Variants in MAPK9 observed in about 807,000 individuals in gnomAD.
MAPK9 encodes mitogen-activated protein kinase 9, also known as Jun kinase.
MAPK9 carries 30 observed loss-of-function variants against 57.1 expected under a neutral mutation model. The observed-to-expected ratio is 0.53, with a 90% confidence interval of 0.39 to 0.71. The LOEUF is 0.71. Among genes scored for constraint, MAPK9 ranks in the 30% least tolerant of loss-of-function variants. The probability of loss-of-function intolerance (pLI) is 0.00; values close to 1 mark genes in which losing one functional copy is unlikely to be tolerated. For missense variants in MAPK9, 362 were observed against 521.0 expected (o/e 0.69, Z 2.97); for synonymous variants, 155 against 177.0 (o/e 0.88, Z 0.99).
At chr5:180,249,209 G>A (rs1235337990) in intron 5 of MAPK9, 71 bp from the exon 6 acceptor site, 2 of 1,428,156 alleles carry the variant, frequency 1.4e-6, no homozygotes, top group East Asian at 4.9e-5. Flanking sequence ...CATCCGTGAG[G>A]GTCGTGAAGC....
In MAPK9 at chr5:180,236,400, A is replaced by C; in HGVS notation, c.1259T>G (p.Leu420Arg). The change falls in exon 12 of 12, where the codon CTT becomes CGT. Residue 420 changes from leucine to arginine, a missense_variant. By Grantham distance (102) the Leu-to-Arg change is moderately radical. Coordinates refer to ENST00000452135, the MANE Select transcript of MAPK9 (RefSeq NM_002752.5). ...TCTAACCTATCATCGACAGCCTTCAAGGGGTCCCGTCGAGGCATCAAGACT... is the reference window on the plus strand; with the variant it reads ...TCTAACCTATCATCGACAGCCTTCACGGGGTCCCGTCGAGGCATCAAGACT... The part of the protein sequence containing the change: ...DSSLDASTGP[L>R]EGCR 1.2e-6 allele frequency: 2 copies of C among 1,612,192 alleles called. No individual in the cohort carries two copies. The highest frequency in any genetic ancestry group is 2.2e-5 in the East Asian group (1 of 44,828).
chr5:180,248,064 A>G (rs1561792235), intron 6 of MAPK9: 1 of 684,188 alleles, frequency 1.5e-6, no homozygotes, highest in East Asian at 2.7e-5. Context: ...ACACCTCCTG[A>G]GCGATCATTT....
chr5:180,274,250 T>A (rs1217016400), intron 2 of MAPK9, among the ~76,000 whole-genome samples: 1 of 152,242 alleles, frequency 6.6e-6, no homozygotes, highest in Non-Finnish European at 1.5e-5. Flanking sequence ...GCTGCTAGTA[T>A]ATAAATATGC....
rs1196564351 is a variant in MAPK9, at chr5:180,242,567, T to C, written c.871+6A>G. The stretch of plus-strand genomic sequence containing the variant: ...ACACAAGTATAAGAAAAAAAGGATA[T>C]CTTACTTTTTATTTTGTCTCGCTCA... On this transcript the variant is annotated splice_donor_region_variant and intron_variant, in intron 8 of 11. Coordinates refer to ENST00000452135, the MANE Select transcript of MAPK9 (RefSeq NM_002752.5). 3.1e-6 allele frequency: 5 copies of C among 1,602,012 alleles called. No individual in the cohort carries two copies. Among genetic ancestry groups the C allele is most frequent in the South Asian group, 1.1e-5 (1 of 89,984 alleles).
At chr5:180,244,896 A>G (rs1245174205) in intron 7 of MAPK9, among the ~76,000 whole-genome samples, 1 of 152,154 alleles carries the variant, frequency 6.6e-6, no homozygotes, top group Non-Finnish European at 1.5e-5. Flanking sequence ...CCACTCCATA[A>G]ATGCTGTGCC....
At chr5:180,270,868 A>AAAAAAAAAAAAAAG (rs1466941482) in intron 2 of MAPK9, among the ~76,000 whole-genome samples, 12 of 137,564 alleles carry the variant, frequency 8.7e-5, no homozygotes, top group African/African-American at 3.7e-4. Flanking sequence ...CAAAAAAAAA[A>AAAAAAAAAAAAAAG]AAAAAGAAAA....
chr5:180,243,782 T>C (rs184634936), intron 7 of MAPK9, among the ~76,000 whole-genome samples: 316 of 152,230 alleles, frequency 2.1e-3, no homozygotes, highest in Non-Finnish European at 3.8e-3. Context: ...ATCAGAATTA[T>C]GCCCACATTT....
At chr5:180,240,995 C>A (rs576369914) in intron 9 of MAPK9, 36 bp downstream of exon 9, 2 of 1,584,212 alleles carry the variant, frequency 1.3e-6, no homozygotes, top group South Asian at 1.2e-5. Flanking sequence ...ATAAGCCTGG[C>A]CTCTCTATAT....
intron 1 of MAPK9, among the ~76,000 whole-genome samples, chr5:180,281,835 G>C (rs1235624694): frequency 6.6e-6 from 1 of 152,230 alleles, no homozygotes; most frequent in Non-Finnish European, 1.5e-5. Context: ...CTGCCACTCT[G>C]ACCACTCCTG....
chr5:180,280,639 C>CTGT, intron 1 of MAPK9, 31 bp from the exon 2 acceptor site: 4 of 1,555,250 alleles, frequency 2.6e-6, no homozygotes, highest in Non-Finnish European at 3.5e-6. Context: ...AACGTGCATT[C>CTGT]TTACCGGAAG....
intron 11 of MAPK9, 168 bp from the exon 12 acceptor site, chr5:180,236,694 A>G (rs1481005312): frequency 1.7e-6 from 1 of 581,650 alleles, no homozygotes; most frequent in East Asian, 3.1e-5. Context: ...CTTTTCCTTG[A>G]GTCTTTCTTT....
In MAPK9 at chr5:180,247,648, T is replaced by C; in HGVS notation, c.617-138A>G. 3.1e-6 allele frequency: 3 copies of C among 957,636 alleles called. No homozygotes were observed. The highest frequency in any genetic ancestry group is 3.3e-6 in the Non-Finnish European group (2 of 610,498). 59.3% of individuals were successfully genotyped at this position (957,636 alleles called of 1,614,324 possible). A position where few individuals can be genotyped will look rare whatever the true frequency, so the allele number is the denominator to read the frequency against. ...GCTAAGGGTGACATTTTACACAATATGAATGATTGCTGACCTCTATTTTAG... is the reference window on the plus strand; with the variant it reads ...GCTAAGGGTGACATTTTACACAATACGAATGATTGCTGACCTCTATTTTAG... On this transcript the variant is annotated intron_variant, in intron 6 of 11. Transcript: ENST00000452135. The surrounding 1 kb of genome is among the most constrained non-coding windows in gnomAD (Gnocchi z 4.5).
chr5:180,271,168 C>A (rs972016425), intron 2 of MAPK9, among the ~76,000 whole-genome samples: 1 of 152,088 alleles, frequency 6.6e-6, no homozygotes, highest in Admixed American at 6.5e-5. Context: ...TAAATATATA[C>A]AATTTTTATT....
chr5:180,281,244 G>C (rs1399284159), intron 1 of MAPK9, among the ~76,000 whole-genome samples: 2 of 152,220 alleles, frequency 1.3e-5, no homozygotes, highest in African/African-American at 4.8e-5. Flanking sequence ...ATCACCACCG[G>C]ACTTCAGGGT....
chr5:180,247,936 A>G lies in MAPK9; in HGVS notation c.617-426T>C. On this transcript the variant is annotated intron_variant, in intron 6 of 11. Coordinates refer to ENST00000452135, the MANE Select transcript of MAPK9 (RefSeq NM_002752.5). This position sits in a 1 kb window ranked among gnomAD's most constrained non-coding sequence, Gnocchi z 4.5. ...ACAGACCAGATGTCCACTACCAAAC[A>G]CCAGGGGATTAAAAACCAGCTAGAG... is the stretch of plus-strand genomic sequence containing the variant. The G allele has an allele frequency of 6.2e-7, 1 of 1,611,920 alleles. No homozygotes were observed. Among genetic ancestry groups the G allele is most frequent in the East Asian group, 2.2e-5 (1 of 44,856 alleles).
At chr5:180,291,675 C>T (rs1281004421) in intron 1 of MAPK9, among the ~76,000 whole-genome samples, 173 bp downstream of exon 1, 1 of 151,444 alleles carries the variant, frequency 6.6e-6, no homozygotes, top group Non-Finnish European at 1.5e-5. Flanking sequence ...GACAGCCGGG[C>T]GGAAGGGGGC....
intron 2 of MAPK9, among the ~76,000 whole-genome samples, chr5:180,269,697 A>G (rs1387341630): frequency 6.6e-6 from 1 of 152,220 alleles, no homozygotes; most frequent in Admixed American, 6.5e-5. Context: ...AGGTAATTTA[A>G]TATAGAGTGC....
At chr5:180,248,311 C>A (rs1210071172) in intron 6 of MAPK9, among the ~76,000 whole-genome samples, 2 of 152,236 alleles carry the variant, frequency 1.3e-5, no homozygotes, top group Non-Finnish European at 2.9e-5. Context: ...TGAAGCTGTG[C>A]CCCTCAGGGT....
intron 1 of MAPK9, among the ~76,000 whole-genome samples, chr5:180,286,208 T>C (rs1177499599): frequency 4.3e-5 from 6 of 140,130 alleles, no homozygotes; most frequent in South Asian, 4.8e-4. Flanking sequence ...TGCAGTGGCA[T>C]GATCTCGGCT....
Sources: allele counts gnomAD v4.1 joint callset (sites outside exome capture counted in the v4.1 genomes callset), GRCh38; gene constraint gnomAD v4.1.1; non-coding constraint Gnocchi (gnomAD v3.1); transcripts MANE v1.5; gene names NCBI Gene and HGNC (gene_info 2026-07-23, HGNC 2026-07-21).